Variants in UBE2U observed in about 807,000 individuals in gnomAD.
UBE2U encodes the protein ubiquitin conjugating enzyme E2 U.
Under a neutral mutation model 41.2 loss-of-function variants are expected in UBE2U, and 39 were observed. The observed-to-expected ratio is 0.95, with a 90% CI of 0.73 to 1.24. The LOEUF (loss-of-function observed/expected upper bound fraction) is 1.24, where lower values mean the gene tolerates loss of function less well. Ranked by LOEUF, UBE2U falls within the 50% of genes most tolerant of loss-of-function variation. UBE2U has a pLI of 0.00. For missense variants in UBE2U, 336 were observed against 363.1 expected (o/e 0.93, Z 0.61); for synonymous variants, 107 against 117.8 (o/e 0.91, Z 0.60).
intron 9 of UBE2U, among the ~76,000 whole-genome samples, chr1:64,266,626 TTCTA>T (rs1459325674): frequency 6.6e-6 from 1 of 152,206 alleles, no homozygotes; most frequent in Non-Finnish European, 1.5e-5. Context: ...GTGCTGTTTC[TTCTA>T]TCTAACATGT....
chr1:64,252,472 T>G (rs1215078122), intron 8 of UBE2U, among the ~76,000 whole-genome samples: 1 of 152,190 alleles, frequency 6.6e-6, no homozygotes, highest in Non-Finnish European at 1.5e-5. Context: ...AATAGGGGTC[T>G]CCAGTCACCT....
At chr1:64,228,924 G>A (rs918501886) in intron 6 of UBE2U, among the ~76,000 whole-genome samples, 1 of 142,296 alleles carries the variant, frequency 7.0e-6, no homozygotes, top group African/African-American at 2.6e-5. Flanking sequence ...GTAGTGGCGC[G>A]ATCTCAGCTC....
intron 5 of UBE2U, among the ~76,000 whole-genome samples, chr1:64,218,892 A>G (rs192443098): frequency 6.6e-6 from 1 of 152,316 alleles, no homozygotes; most frequent in African/African-American, 2.4e-5. Flanking sequence ...GCTACTAGGT[A>G]TTCAGTCAGC....
intron 8 of UBE2U, among the ~76,000 whole-genome samples, chr1:64,248,626 A>T (rs557906882): frequency 1.3e-5 from 2 of 150,472 alleles, no homozygotes; most frequent in African/African-American, 2.5e-5. Flanking sequence ...TGATTTGCAT[A>T]TTTTAGTGAC....
chr1:64,239,092 G>GGAAGAGGAAGAA (rs1644737977), intron 7 of UBE2U, among the ~76,000 whole-genome samples: 2 of 42,750 alleles, frequency 4.7e-5, no homozygotes, highest in Non-Finnish European at 4.3e-5. Flanking sequence ...AAGAGGAAGA[G>GGAAGAGGAAGAA]GAAGAAGAAG....
chr1:64,263,049 CATG>C (rs1645203250), intron 9 of UBE2U, among the ~76,000 whole-genome samples: 1 of 152,070 alleles, frequency 6.6e-6, no homozygotes, highest in Middle Eastern at 3.2e-3. Context: ...GGTGAAAACC[CATG>C]ATAAGTGGGG....
intron 5 of UBE2U, chr1:64,215,579 ACCT>A (rs1651950301): frequency 1.3e-5 from 2 of 152,210 alleles, no homozygotes; most frequent in African/African-American, 2.4e-5. Context: ...CCCAGACTTC[ACCT>A]GCAGTACTCC....
At chr1:64,229,253 A>G (rs1653116015) in intron 6 of UBE2U, among the ~76,000 whole-genome samples, 1 of 152,034 alleles carries the variant, frequency 6.6e-6, no homozygotes, top group South Asian at 2.1e-4. Flanking sequence ...CCTCAGTACC[A>G]AATATGGTTT....
chr1:64,213,104 A>G (rs1162878771), intron 4 of UBE2U, among the ~76,000 whole-genome samples: 1 of 152,184 alleles, frequency 6.6e-6, no homozygotes, highest in Non-Finnish European at 1.5e-5. Context: ...AAAATCTTTC[A>G]GTGGATCCCA....
At position 64,203,942 on chromosome 1, in the gene UBE2U, A is replaced by G. The variant is rs1651129313; in HGVS notation, c.-109A>G. 1.1e-6 allele frequency: 1 copy of G among 895,950 alleles called. No individual in the cohort carries two copies. The highest frequency in any genetic ancestry group is 2.0e-5 in the South Asian group (1 of 51,014). 55.5% of individuals were successfully genotyped at this position (895,950 alleles called of 1,614,324 possible). A position where few individuals can be genotyped will look rare whatever the true frequency, so the allele number is the denominator to read the frequency against. On this transcript the variant is annotated 5_prime_UTR_variant, in exon 1 of 10. Transcript: ENST00000371077. ...GTTCTGAGGTTCTAGAAAGCAAGTA[A>G]CTTATATCAGTTTACTAAGTGTGGG...
At chr1:64,254,948 C>G (rs538423488) in intron 8 of UBE2U, among the ~76,000 whole-genome samples, 10 of 151,700 alleles carry the variant, frequency 6.6e-5, no homozygotes, top group African/African-American at 2.4e-4. Flanking sequence ...GAGATAGAGA[C>G]ACAAAAAACC....
intron 8 of UBE2U, among the ~76,000 whole-genome samples, chr1:64,247,860 C>T (rs1359466358): frequency 1.3e-5 from 1 of 79,438 alleles, no homozygotes; most frequent in Non-Finnish European, 2.3e-5. Context: ...CAAGACCTGT[C>T]TCACAAAAAA....
intron 8 of UBE2U, among the ~76,000 whole-genome samples, chr1:64,257,804 T>C (rs1645118499): frequency 1.3e-5 from 2 of 152,140 alleles, no homozygotes; most frequent in African/African-American, 4.8e-5. Context: ...AGACTAATTA[T>C]ATGTTATGTG....
At chr1:64,263,868 A>G (rs1018069361) in intron 9 of UBE2U, among the ~76,000 whole-genome samples, 14 of 152,266 alleles carry the variant, frequency 9.2e-5, no homozygotes, top group Admixed American at 5.9e-4. Context: ...TGGCTGCACA[A>G]ATATCCCCAT....
intron 8 of UBE2U, among the ~76,000 whole-genome samples, chr1:64,243,455 G>A (rs56070824): frequency 6.6e-6 from 1 of 152,148 alleles, no homozygotes; most frequent in Non-Finnish European, 1.5e-5. Context: ...ACAATTCATA[G>A]AGAATCAAGT....
chr1:64,254,576 A>G (rs1429065037), intron 8 of UBE2U, among the ~76,000 whole-genome samples: 3 of 152,230 alleles, frequency 2.0e-5, no homozygotes, highest in Admixed American at 2.0e-4. Flanking sequence ...GCACAATCAA[A>G]TTAGAACTCA....
chr1:64,239,142 A>AAGG (rs1557730583), intron 7 of UBE2U, among the ~76,000 whole-genome samples: 4 of 26,496 alleles, frequency 1.5e-4, no homozygotes, highest in African/African-American at 6.8e-4. Context: ...GAAGAAGAAG[A>AAGG]AGAAGAAGAA....
chr1:64,245,826 C>T (rs1057225997), intron 8 of UBE2U, among the ~76,000 whole-genome samples: 10 of 152,128 alleles, frequency 6.6e-5, no homozygotes, highest in Non-Finnish European at 1.5e-5. Context: ...ATCCCCCAAC[C>T]CCTGACGCCC....
chr1:64,234,688 CT>C (rs1644633796), intron 7 of UBE2U, among the ~76,000 whole-genome samples: 1 of 152,162 alleles, frequency 6.6e-6, no homozygotes, highest in Non-Finnish European at 1.5e-5. Flanking sequence ...GATATACAAT[CT>C]TTAGCAGCTC....
Sources: gnomAD v4.1 joint callset for allele counts (sites outside exome capture counted in the v4.1 genomes callset) on GRCh38, gnomAD v4.1.1 for gene constraint, MANE v1.5 for transcripts, NCBI Gene and HGNC (gene_info 2026-07-23, HGNC 2026-07-21) for gene names.